The following HIPK3 variants were observed in gnomAD, a reference collection of about 807,000 sequenced individuals.
HIPK3 encodes homeodomain interacting protein kinase 3.
In HIPK3, 47 loss-of-function variants were observed where a neutral mutation model predicts 124.2. That is an observed-to-expected ratio of 0.38 (90% CI 0.30 to 0.48). The LOEUF (loss-of-function observed/expected upper bound fraction) is 0.48. Among genes scored for constraint, HIPK3 ranks in the 20% least tolerant of loss-of-function variants. HIPK3 has a pLI of 0.98. For synonymous variants in HIPK3, 482 were observed against 515.2 expected (o/e 0.94, Z 0.87); for missense variants, 1,286 against 1,454.3 (o/e 0.88, Z 1.88).
At chr11:33,351,958 T>C (rs1187896416) in intron 15 of HIPK3, 115 bp downstream of exon 15, 1 of 1,015,236 alleles carries the variant, frequency 9.8e-7, no homozygotes, top group Non-Finnish European at 1.5e-6. Flanking sequence ...CCCTGCCTTA[T>C]GTATTGTACA....
In HIPK3 at chr11:33,354,310, A is replaced by G. The variant is rs1853757270; in HGVS notation, c.*742A>G. ...AGGGCAGCATGTTTGCTATAGCTGA[A>G]TTCTGCTGTCTGATTTTTCAGAATG... is the stretch of plus-strand genomic sequence containing the variant. On this transcript the variant is annotated 3_prime_UTR_variant, in exon 17 of 17. Coordinates refer to ENST00000303296, the MANE Select transcript of HIPK3 (RefSeq NM_005734.5). 1.3e-5 allele frequency: 2 copies of G among 152,586 alleles called. No individual in the cohort carries two copies. Among genetic ancestry groups the G allele is most frequent in the Admixed American group, 1.3e-4 (2 of 15,270 alleles). 9.5% of individuals were successfully genotyped at this position (152,586 alleles called of 1,614,324 possible). A position where few individuals can be genotyped will look rare whatever the true frequency, so the allele number is the denominator to read the frequency against.
chr11:33,277,325 A>G (rs971755304), intron 1 of HIPK3, among the ~76,000 whole-genome samples: 5 of 152,088 alleles, frequency 3.3e-5, no homozygotes, highest in Non-Finnish European at 5.9e-5. Context: ...TTTTTGTTCT[A>G]TATTTTGAGA....
chr11:33,280,197 G>A (rs900597488), intron 1 of HIPK3, among the ~76,000 whole-genome samples: 1 of 152,056 alleles, frequency 6.6e-6, no homozygotes, highest in African/African-American at 2.4e-5. Context: ...TCAAAACATC[G>A]TTTCTTAGTT....
intron 2 of HIPK3, among the ~76,000 whole-genome samples, chr11:33,308,800 T>C (rs1045575897): frequency 4.0e-5 from 6 of 151,758 alleles, no homozygotes; most frequent in African/African-American, 1.2e-4. Flanking sequence ...TTTAGTTCTA[T>C]ATATATAAGA....
chr11:33,322,461 A>G (rs1554966503), intron 2 of HIPK3, among the ~76,000 whole-genome samples: 1 of 152,202 alleles, frequency 6.6e-6, no homozygotes, highest in Non-Finnish European at 1.5e-5. Context: ...TGAAAAATGA[A>G]TAGGACAAGA....
rs920898529 is a variant in HIPK3 at position 33,257,572 on chromosome 11, C to T, written c.-320C>T. The T allele has an allele frequency of 2.0e-6, 2 of 985,828 alleles. No homozygotes were observed. The highest frequency in any genetic ancestry group is 2.4e-6 in the Non-Finnish European group (2 of 830,136). The allele number at this position is 985,828 out of a possible 1,614,324, so 61.1% of individuals were successfully genotyped here. A position where few individuals can be genotyped will look rare whatever the true frequency, so the allele number is the denominator to read the frequency against. ...TAGGCCCCAGTAGCCGGAGGCCGACCGGCCTCCCACTACCCCTCGCCCTAG... is the reference window on the plus strand; with the variant it reads ...TAGGCCCCAGTAGCCGGAGGCCGACTGGCCTCCCACTACCCCTCGCCCTAG... On this transcript the variant is annotated 5_prime_UTR_variant, in exon 1 of 17. Transcript: ENST00000303296.
intron 3 of HIPK3, 47 bp downstream of exon 3, chr11:33,328,680 A>G (rs1852881301): frequency 6.4e-7 from 1 of 1,567,556 alleles, no homozygotes; most frequent in Non-Finnish European, 8.8e-7. Context: ...AGTAAAGAAT[A>G]ATAACAGACT....
intron 2 of HIPK3, among the ~76,000 whole-genome samples, chr11:33,311,958 T>C (rs1450892295): frequency 1.0e-5 from 1 of 96,920 alleles, no homozygotes; most frequent in Non-Finnish European, 2.3e-5. Flanking sequence ...ACGGGCAACA[T>C]AGCAAGACCC....
intron 2 of HIPK3, among the ~76,000 whole-genome samples, chr11:33,295,810 G>A (rs1382380628): frequency 6.6e-6 from 1 of 152,172 alleles, no homozygotes; most frequent in East Asian, 1.9e-4. Flanking sequence ...TATTGGTAAG[G>A]CGAACTTTGA....
chr11:33,309,198 G>T (rs1852252163), intron 2 of HIPK3, among the ~76,000 whole-genome samples: 1 of 152,130 alleles, frequency 6.6e-6, no homozygotes, highest in Admixed American at 6.5e-5. Context: ...GGGAGGTATT[G>T]TCTTTTATAG....
intron 8 of HIPK3, among the ~76,000 whole-genome samples, chr11:33,343,567 G>A (rs375817694): frequency 1.3e-5 from 2 of 152,062 alleles, no homozygotes; most frequent in East Asian, 1.9e-4. Flanking sequence ...GTCATTAGCC[G>A]CTGCGCCCAG....
intron 3 of HIPK3, among the ~76,000 whole-genome samples, chr11:33,333,023 C>T (rs1024482975): frequency 6.6e-6 from 1 of 152,116 alleles, no homozygotes; most frequent in Non-Finnish European, 1.5e-5. Flanking sequence ...AGAGAACTCA[C>T]TGTTGGGGGG....
At chr11:33,341,742 G>A (rs141328700) in intron 8 of HIPK3, 56 bp downstream of exon 8, 3 of 1,462,620 alleles carry the variant, frequency 2.1e-6, no homozygotes, top group African/African-American at 2.8e-5. Flanking sequence ...TTTAAAATAA[G>A]TTTAGGAATC....
rs551081820 is a variant in HIPK3, at chr11:33,347,874, C to T, written c.2167C>T (p.His723Tyr). 1 of 1,614,162 alleles carries T rather than the reference C, an allele frequency of 6.2e-7. No individual in the cohort carries two copies. The highest frequency in any genetic ancestry group is 1.1e-5 in the South Asian group (1 of 91,076). Reference protein sequence around the residue: ...DWGKMISCSNHYNSVMPQPLL... With the variant: ...DWGKMISCSNYYNSVMPQPLL... ...TAGGAAGATGATTTCATGCAGCAAT[C>T]ATTATAACTCAGTGATGCCGCAGCC... Residue 723 changes from histidine (H) to tyrosine (Y), a missense_variant, in exon 11 of 17, where the codon CAT (histidine) becomes TAT (tyrosine). Physicochemically the swap from His to Tyr is moderately conservative, Grantham distance 83. Around this residue, in one of 3 missense-constraint regions of HIPK3, gnomAD observed 810 missense variants for 864.9 expected, o/e 0.94. Transcript: ENST00000303296.
intron 2 of HIPK3, among the ~76,000 whole-genome samples, chr11:33,310,612 T>G (rs1368251018): frequency 6.6e-6 from 1 of 152,104 alleles, no homozygotes; most frequent in Admixed American, 6.6e-5. Context: ...CCCAGCCTAT[T>G]TAAGTTTAAA....
chr11:33,329,659 T>C (rs915234212), intron 3 of HIPK3, among the ~76,000 whole-genome samples: 1 of 152,194 alleles, frequency 6.6e-6, no homozygotes, highest in Non-Finnish European at 1.5e-5. Context: ...AGGTTTTCCA[T>C]ATTCTCTACC....
In HIPK3 at chr11:33,257,736, T is replaced by G; in HGVS notation, c.-156T>G. 1.0e-6 allele frequency: 1 copy of G among 988,826 alleles called. No homozygotes were observed. Among genetic ancestry groups the G allele is most frequent in the Non-Finnish European group, 1.2e-6 (1 of 832,326 alleles). The allele number at this position is 988,826 out of a possible 1,614,324, so 61.3% of individuals were successfully genotyped here. On this transcript the variant is annotated 5_prime_UTR_variant, in exon 1 of 17. It removes an upstream start codon present in the reference 5' UTR. Transcript: ENST00000303296. ...TTTCCTCTCAGCCGCCAGGACAAGA[T>G]GGCAGCGGCCGCGGAGAGGGGCTGA...
intron 2 of HIPK3, among the ~76,000 whole-genome samples, chr11:33,310,276 C>CTT (rs879703681): frequency 1.2e-3 from 90 of 75,890 alleles, no homozygotes; most frequent in South Asian, 8.7e-3. Context: ...GTCTGTCTGT[C>CTT]TATCTTATCT....
chr11:33,311,343 A>G (rs1852330473), intron 2 of HIPK3, among the ~76,000 whole-genome samples: 2 of 151,958 alleles, frequency 1.3e-5, no homozygotes. Flanking sequence ...GTGCCACTAC[A>G]CCTGACTCAT....
Sources: gnomAD v4.1 joint callset for allele counts (sites outside exome capture counted in the v4.1 genomes callset) on GRCh38, gnomAD v4.1.1 for gene constraint, gnomAD v4.1.1 regional missense constraint, MANE v1.5 for transcripts, NCBI Gene and HGNC (gene_info 2026-07-23, HGNC 2026-07-21) for gene names.